The following SLC27A4 variants were observed in gnomAD, a reference collection of about 807,000 sequenced individuals.
The protein encoded by SLC27A4 is long-chain fatty acid transport protein 4.
In SLC27A4, 33 loss-of-function variants were observed where a neutral mutation model predicts 64.4. That is an observed-to-expected ratio of 0.51 (90% confidence interval 0.39 to 0.68). The LOEUF (loss-of-function observed/expected upper bound fraction) is 0.68. SLC27A4 is among the 30% of genes least tolerant of loss of function. The pLI is 0.00. For synonymous variants in SLC27A4, 377 were observed against 370.0 expected, an observed-to-expected ratio of 1.02 and a Z score of -0.22; for missense variants, 824 against 883.5, an observed-to-expected ratio of 0.93 and a Z score of 0.85.
intron 1 of SLC27A4, among the ~76,000 whole-genome samples, chr9:128,341,592 C>T (rs1832573137): frequency 6.6e-6 from 1 of 152,190 alleles, no homozygotes; most frequent in Admixed American, 6.5e-5. Context: ...TTCTGGGTCG[C>T]CCTCTATAGA....
rs184327306 is a variant in SLC27A4 at position 128,349,739 on chromosome 9, G to A, written c.716-573G>A. ...AGGGAACCTCAAGTCTGGTAGGGCC[G>A]AGCCTCACATAGAAACTCTAACGTG... On this transcript the variant is annotated intron_variant, in intron 4 of 12. Transcript: ENST00000300456. Among the ~76,000 whole-genome samples the A allele has an allele frequency of 4.6e-5, 7 of 152,286 alleles. No homozygotes were observed. In the East Asian group the frequency reaches 9.6e-4, roughly 21 times the overall value.
chr9:128,343,157 G>A lies in SLC27A4; in HGVS notation c.25G>A (p.Gly9Arg). ...AATGCTGCTTGGAGCCTCTCTGGTGGGGGTGCTGCTGTTCTCCAAGCTGGT... is the reference window on the plus strand; with the variant it reads ...AATGCTGCTTGGAGCCTCTCTGGTGAGGGTGCTGCTGTTCTCCAAGCTGGT... MLLGASLV[G>R]VLLFSKLVLK... The change falls in exon 2 of 13, where the codon GGG (glycine) becomes AGG (arginine). Residue 9 changes from glycine (G) to arginine (R), a missense_variant. By Grantham distance (125) the Gly-to-Arg change is moderately radical. Transcript: ENST00000300456. The A allele has an allele frequency of 1.2e-6, 2 of 1,613,934 alleles. No individual in the cohort carries two copies. Among genetic ancestry groups the A allele is most frequent in the East Asian group, 2.2e-5 (1 of 44,892 alleles).
intron 1 of SLC27A4, chr9:128,342,425 C>G: frequency 6.3e-7 from 1 of 1,599,018 alleles, no homozygotes. Context: ...TCTTATTTTA[C>G]TTCTTTTAGC....
intron 1 of SLC27A4, chr9:128,342,278 C>A: frequency 1.7e-5 from 28 of 1,611,350 alleles, no homozygotes; most frequent in Non-Finnish European, 2.2e-5. Flanking sequence ...TTCGATAAGT[C>A]GAAACTGAAG....
Position 128,360,787 on chromosome 9 carries a change from G to A in SLC27A4, c.*296G>A, listed in dbSNP as rs1832891001. On this transcript the variant is annotated 3_prime_UTR_variant, in exon 13 of 13. Transcript: ENST00000300456. ...ATGTCTTGGGTGAGGGTAGGGAGAG[G>A]ACAAGGGGTCACCGAGCCCTTCCCA... 1 of 444,270 alleles carries A rather than the reference G, an allele frequency of 2.3e-6. No homozygotes were observed. The highest frequency in any genetic ancestry group is 4.2e-6 in the Non-Finnish European group (1 of 238,524). 27.5% of individuals were successfully genotyped at this position (444,270 alleles called of 1,614,324 possible).
At chr9:128,344,645 C>A (rs1163317595) in intron 2 of SLC27A4, among the ~76,000 whole-genome samples, 1 of 152,192 alleles carries the variant, frequency 6.6e-6, no homozygotes, top group Non-Finnish European at 1.5e-5. Context: ...AGACAGAAGC[C>A]TATCCCAGCT....
At chr9:128,350,165 G>A in intron 4 of SLC27A4, 147 bp from the exon 5 acceptor site, 1 of 701,638 alleles carries the variant, frequency 1.4e-6, no homozygotes, top group Non-Finnish European at 2.6e-6. Context: ...AGAGCTGAAT[G>A]GTATCTGAGG....
At chr9:128,352,317 T>C (rs1210682377) in intron 6 of SLC27A4, among the ~76,000 whole-genome samples, 4 of 152,176 alleles carry the variant, frequency 2.6e-5, no homozygotes, top group Non-Finnish European at 4.4e-5. Context: ...TCCACAGATA[T>C]GCATGGCATT....
chr9:128,360,623 A>C lies in SLC27A4; in HGVS notation c.*132A>C, dbSNP rs1832888297. Reference sequence around the variant, plus strand: ...CTCCATCCTGAGGTGCTGCCCCTCCATCCAAAACTGCCAAGTGACTCATTG... The same window carrying C: ...CTCCATCCTGAGGTGCTGCCCCTCCCTCCAAAACTGCCAAGTGACTCATTG... On this transcript the variant is annotated 3_prime_UTR_variant, in exon 13 of 13. Coordinates refer to ENST00000300456, the MANE Select transcript of SLC27A4 (RefSeq NM_005094.4). 5.6e-6 allele frequency: 5 copies of C among 897,476 alleles called. No individual in the cohort carries two copies. The South Asian group carries it at 7.5e-5, about 13-fold the overall frequency. 55.6% of individuals were successfully genotyped at this position (897,476 alleles called of 1,614,324 possible). A position where few individuals can be genotyped will look rare whatever the true frequency, so the allele number is the denominator to read the frequency against.
chr9:128,348,618 G>A lies in SLC27A4; in HGVS notation c.630G>A (p.Ala210=), dbSNP rs1240367045. ...GCTCTGGCTCCTGGGAGCCCGGTGC[G>A]GTGCCTCCAAGCACAGAACACCTGG... ...LFCSGSWEPG[A]VPPSTEHLDP... Residue 210 remains alanine (A), a synonymous_variant, in exon 4 of 13, where the codon GCG becomes GCA. Coordinates refer to ENST00000300456, the MANE Select transcript of SLC27A4 (RefSeq NM_005094.4). 4.3e-6 allele frequency: 7 copies of A among 1,613,662 alleles called. No homozygotes were observed. Among genetic ancestry groups the A allele is most frequent in the African/African-American group, 2.7e-5 (2 of 74,916 alleles).
At position 128,345,559 on chromosome 9, in the gene SLC27A4, A is replaced by G. The variant is rs370884160; in HGVS notation, c.556+10A>G. ...AGCGAAATGGCCTCAGGTGAGCCCCAAGGGGGCGGGGGACAAGCAGGAACC... is the reference window on the plus strand; with the variant it reads ...AGCGAAATGGCCTCAGGTGAGCCCCGAGGGGGCGGGGGACAAGCAGGAACC... On this transcript the variant is annotated intron_variant, in intron 3 of 12. Coordinates refer to ENST00000300456, the MANE Select transcript of SLC27A4 (RefSeq NM_005094.4). The surrounding 1 kb of genome is among the most constrained non-coding windows in gnomAD (Gnocchi z 4.1). 25 of 1,596,844 alleles carry G rather than the reference A, an allele frequency of 1.6e-5. No homozygotes were observed. The highest frequency in any genetic ancestry group is 2.0e-5 in the Non-Finnish European group (23 of 1,174,670).
In SLC27A4 at chr9:128,350,352, G is replaced by A. The variant is rs777248422; in HGVS notation, c.756G>A (p.Leu252=). Residue 252 remains leucine, a synonymous_variant, in exon 5 of 13, where the codon CTG becomes CTA. Transcript: ENST00000300456. ...FYIYTSGTTG[L]PKAAIVVHSR... ...TCTACACATCCGGCACCACAGGGCT[G>A]CCCAAGGCCGCCATCGTGGTGCACA... The A allele has an allele frequency of 5.6e-6, 9 of 1,613,234 alleles. No homozygotes were observed. In the African/African-American group the frequency reaches 1.2e-4, roughly 22 times the overall value.
In SLC27A4 at chr9:128,360,800, C is replaced by T. The variant is rs13295643; in HGVS notation, c.*309C>T. The T allele has an allele frequency of 1.4e-4, 57 of 408,228 alleles. No individual in the cohort carries two copies. The highest frequency in any genetic ancestry group is 2.3e-4 in the Non-Finnish European group (49 of 216,914). The allele number at this position is 408,228 out of a possible 1,614,324, so 25.3% of individuals were successfully genotyped here. ...GGGTAGGGAGAGGACAAGGGGTCAC[C>T]GAGCCCTTCCCAGAGAGCAGGGAGC... On this transcript the variant is annotated 3_prime_UTR_variant, in exon 13 of 13. Transcript: ENST00000300456.
In SLC27A4 at chr9:128,340,632, A is replaced by AGGCGGGCGGGGTAGGAGCGC. The variant is rs1832554509; in HGVS notation, c.-201_-182dup. The stretch of plus-strand genomic sequence containing the variant: ...TGGCACAGCAGGTTTGGGGTGCGGG[A>AGGCGGGCGGGGTAGGAGCGC]GGCGGGCGGGGTAGGAGCGCGGCGG... On this transcript the variant is annotated 5_prime_UTR_variant, in exon 1 of 13. Transcript: ENST00000300456. The AGGCGGGCGGGGTAGGAGCGC allele has an allele frequency of 5.8e-6, 1 of 173,822 alleles. No homozygotes were observed. Among genetic ancestry groups the AGGCGGGCGGGGTAGGAGCGC allele is most frequent in the Non-Finnish European group, 9.1e-6 (1 of 109,328 alleles). The allele number at this position is 173,822 out of a possible 1,614,324, so 10.8% of individuals were successfully genotyped here.
chr9:128,352,110 G>A (rs1390257190), intron 6 of SLC27A4, among the ~76,000 whole-genome samples: 1 of 151,900 alleles, frequency 6.6e-6, no homozygotes, highest in African/African-American at 2.4e-5. Context: ...CAGGAGAATG[G>A]CATGAACCCG....
intron 1 of SLC27A4, among the ~76,000 whole-genome samples, chr9:128,341,516 G>A (rs564679126): frequency 1.3e-5 from 2 of 152,230 alleles, no homozygotes; most frequent in East Asian, 1.9e-4. Flanking sequence ...GGTCCTCCTC[G>A]CCTCCCTCAA....
At position 128,360,322 on chromosome 9, in the gene SLC27A4, C is replaced by G. The variant is rs539722245; in HGVS notation, c.1775-12C>G. The G allele has an allele frequency of 7.4e-6, 12 of 1,614,042 alleles. No homozygotes were observed. Among genetic ancestry groups the G allele is most frequent in the East Asian group, 2.2e-5 (1 of 44,878 alleles). ...CCTGCCCTGCACTGAGTCTTCTTCC[C>G]TGCTCTCCCAGGAACCTACAAGTTC... On this transcript the variant is annotated splice_polypyrimidine_tract_variant and intron_variant, in intron 12 of 12. Coordinates refer to ENST00000300456, the MANE Select transcript of SLC27A4 (RefSeq NM_005094.4).
At position 128,353,021 on chromosome 9, in the gene SLC27A4, C is replaced by T; in HGVS notation, c.988-4C>T. ...GCCTCGAATCACACCAAGTTCACCC[C>T]CAGATTGTGCAGTACATTGGTGAAC... is the stretch of plus-strand genomic sequence containing the variant. On this transcript the variant is annotated splice_polypyrimidine_tract_variant and splice_region_variant and intron_variant, in intron 7 of 12. Transcript: ENST00000300456. The surrounding 1 kb of genome is among the most constrained non-coding windows in gnomAD (Gnocchi z 4.9). 2 of 1,612,078 alleles carry T rather than the reference C, an allele frequency of 1.2e-6. No individual in the cohort carries two copies. Among genetic ancestry groups the T allele is most frequent in the South Asian group, 2.2e-5 (2 of 90,758 alleles).
At position 128,345,475 on chromosome 9, in the gene SLC27A4, G is replaced by A. The variant is rs199612630; in HGVS notation, c.482G>A (p.Arg161Gln). The A allele has an allele frequency of 7.4e-6, 12 of 1,613,042 alleles. No individual in the cohort carries two copies. Among genetic ancestry groups the A allele is most frequent in the African/African-American group, 1.3e-5 (1 of 75,044 alleles). The change falls in exon 3 of 13, where the codon CGG (arginine) becomes CAG (glutamine). Residue 161 changes from arginine (R) to glutamine (Q), a missense_variant. Physicochemically the swap from Arg to Gln is conservative, Grantham distance 43 (BLOSUM62 1). Coordinates refer to ENST00000300456, the MANE Select transcript of SLC27A4 (RefSeq NM_005094.4). This position sits in a 1 kb window ranked among gnomAD's most constrained non-coding sequence, Gnocchi z 4.1. ...VEAALINTNL[R>Q]RDALLHCLTT... is the part of the protein sequence containing the mutation. ...GCAGCCCTCATCAACACCAACCTGC[G>A]GCGGGATGCTCTGCTCCACTGCCTC...
Sources: allele counts gnomAD v4.1 joint callset (sites outside exome capture counted in the v4.1 genomes callset), GRCh38; gene constraint gnomAD v4.1.1; non-coding constraint Gnocchi (gnomAD v3.1); transcripts MANE v1.5; gene names NCBI Gene and HGNC (gene_info 2026-07-23, HGNC 2026-07-21).